Variants in ELP4 observed in about 807,000 individuals in gnomAD.
ELP4 encodes elongator complex protein 4.
In ELP4, 51 loss-of-function variants were observed where a neutral mutation model predicts 48.9. That is an observed-to-expected ratio of 1.04 (90% CI 0.83 to 1.32). The LOEUF (loss-of-function observed/expected upper bound fraction) is 1.32. ELP4 is among the 40% of genes most tolerant of loss of function. ELP4 has a pLI of 0.00. For missense variants in ELP4, 519 were observed against 514.6 expected, an observed-to-expected ratio of 1.01 and a Z score of -0.08; for synonymous variants, 210 against 189.2, an observed-to-expected ratio of 1.11 and a Z score of -0.90.
intron 2 of ELP4, among the ~76,000 whole-genome samples, chr11:31,522,877 A>G (rs911310061): frequency 2.1e-5 from 3 of 145,342 alleles, no homozygotes; most frequent in Non-Finnish European, 4.5e-5. Flanking sequence ...TTTTTTTTTT[A>G]AGAGATGAGT....
chr11:31,558,937 AT>A (rs1246595341), intron 3 of ELP4, among the ~76,000 whole-genome samples: 3 of 152,108 alleles, frequency 2.0e-5, no homozygotes, highest in African/African-American at 7.2e-5. Flanking sequence ...CTGAATACTT[AT>A]TTTTTCAGAA....
intron 3 of ELP4, among the ~76,000 whole-genome samples, chr11:31,556,373 T>A (rs932548576): frequency 6.6e-6 from 1 of 151,968 alleles, no homozygotes; most frequent in Non-Finnish European, 1.5e-5. Flanking sequence ...TTCTATGGAA[T>A]GTTTTATAAA....
At chr11:31,569,760 T>G (rs1565058644) in intron 3 of ELP4, among the ~76,000 whole-genome samples, 1 of 151,946 alleles carries the variant, frequency 6.6e-6, no homozygotes. Context: ...CCAACAAACA[T>G]GAAAAAATGC....
intron 9 of ELP4, among the ~76,000 whole-genome samples, chr11:31,761,513 A>G (rs184867863): frequency 7.9e-5 from 12 of 152,366 alleles, no homozygotes; most frequent in Admixed American, 4.6e-4. Flanking sequence ...ACCAGTAAGT[A>G]TATAAAATCT....
intron 9 of ELP4, among the ~76,000 whole-genome samples, chr11:31,660,013 AT>A (rs1945520886): frequency 6.6e-6 from 1 of 152,154 alleles, no homozygotes; most frequent in Non-Finnish European, 1.5e-5. Flanking sequence ...ATCAATTTTG[AT>A]TGAACTATCT....
At chr11:31,602,448 A>G (rs1256615723) in intron 4 of ELP4, among the ~76,000 whole-genome samples, 1 of 151,990 alleles carries the variant, frequency 6.6e-6, no homozygotes, top group East Asian at 1.9e-4. Flanking sequence ...TACATATTGG[A>G]TTGAAAAGAT....
intron 3 of ELP4, among the ~76,000 whole-genome samples, chr11:31,551,263 A>T (rs1051949324): frequency 6.6e-6 from 1 of 152,190 alleles, no homozygotes; most frequent in South Asian, 2.1e-4. Flanking sequence ...TTTCCCTGCA[A>T]ATCGATGCGG....
rs529202727 is a variant in ELP4 at position 31,757,377 on chromosome 11, A to AT, written c.1144-26004dup. On this transcript the variant is annotated intron_variant, in intron 9 of 9. Coordinates refer to ENST00000640961, the MANE Select transcript of ELP4 (RefSeq NM_019040.5). ...GAATTCTTTCCAAATCAGACTACAG[A>AT]TTTTTTTTTTTTGCATCTACCATGC... 9.5e-3 allele frequency among the ~76,000 whole-genome samples: 1,393 copies of AT among 147,328 alleles called. 22 individuals are homozygous for AT. Among genetic ancestry groups the AT allele is most frequent in the East Asian group, 0.026 (132 of 5,052 alleles).
chr11:31,532,262 T>C (rs1592088650), intron 2 of ELP4, among the ~76,000 whole-genome samples: 1 of 152,184 alleles, frequency 6.6e-6, no homozygotes, highest in Non-Finnish European at 1.5e-5. Context: ...TGTTGGCACA[T>C]TGAAGTAAAG....
chr11:31,615,227 A>G (rs1958054657), intron 5 of ELP4, among the ~76,000 whole-genome samples: 2 of 152,178 alleles, frequency 1.3e-5, no homozygotes, highest in Non-Finnish European at 2.9e-5. Context: ...AAAATTACAT[A>G]CATGCATATA....
chr11:31,576,884 A>G (rs1957291314), intron 3 of ELP4, among the ~76,000 whole-genome samples: 1 of 152,198 alleles, frequency 6.6e-6, no homozygotes, highest in Non-Finnish European at 1.5e-5. Context: ...TAAAAGAACT[A>G]GAGAACCAAG....
At chr11:31,653,560 T>G (rs1945367693) in intron 9 of ELP4, 1 of 151,806 alleles carries the variant, frequency 6.6e-6, no homozygotes. Context: ...AATAATAGAT[T>G]CAATACACAT....
At chr11:31,661,479 A>G (rs973654917) in intron 9 of ELP4, among the ~76,000 whole-genome samples, 25 of 152,046 alleles carry the variant, frequency 1.6e-4, no homozygotes, top group African/African-American at 6.0e-4. Flanking sequence ...TTTCTTTTAT[A>G]AAGTATCAAA....
intron 9 of ELP4, among the ~76,000 whole-genome samples, chr11:31,700,110 G>A (rs1408332223): frequency 6.6e-6 from 1 of 152,050 alleles, no homozygotes; most frequent in Admixed American, 6.6e-5. Context: ...CTTGTCTTAA[G>A]AAGTACTGGA....
intron 5 of ELP4, among the ~76,000 whole-genome samples, chr11:31,619,163 T>A (rs1394598404): frequency 1.3e-5 from 2 of 151,920 alleles, no homozygotes; most frequent in African/African-American, 4.8e-5. Flanking sequence ...TATGTTTATA[T>A]ATTATAGGAA....
intron 9 of ELP4, among the ~76,000 whole-genome samples, chr11:31,782,472 C>G (rs897733367): frequency 6.6e-6 from 1 of 152,232 alleles, no homozygotes; most frequent in East Asian, 1.9e-4. Context: ...TCTCACACAA[C>G]AGATAAGTTC....
intron 3 of ELP4, among the ~76,000 whole-genome samples, chr11:31,586,940 A>G (rs1043696233): frequency 1.3e-5 from 2 of 152,100 alleles, no homozygotes; most frequent in African/African-American, 4.8e-5. Flanking sequence ...GCGACCGGCC[A>G]AATATTTTTA....
rs563195323 is a variant in ELP4, at chr11:31,785,284, T to C, written c.*1760T>C. 2 of 182,888 alleles carry C rather than the reference T, an allele frequency of 1.1e-5. No homozygotes were observed. Among genetic ancestry groups the C allele is most frequent in the African/African-American group, 4.7e-5 (2 of 42,640 alleles). The allele number at this position is 182,888 out of a possible 1,614,324, so 11.3% of individuals were successfully genotyped here. A position where few individuals can be genotyped will look rare whatever the true frequency, so the allele number is the denominator to read the frequency against. ...TTATTATTTTAATAACTCTAACCTT[T>C]TTCTTACCGTGTTGATTCATTTTAT... On this transcript the variant is annotated 3_prime_UTR_variant, in exon 10 of 10. Transcript: ENST00000640961.
intron 3 of ELP4, among the ~76,000 whole-genome samples, chr11:31,547,099 T>C (rs1956740443): frequency 1.3e-5 from 2 of 151,940 alleles, no homozygotes; most frequent in South Asian, 2.1e-4. Context: ...AGCAAACACA[T>C]TGAAAAGCTA....
Sources: allele counts gnomAD v4.1 joint callset (sites outside exome capture counted in the v4.1 genomes callset), GRCh38; gene constraint gnomAD v4.1.1; transcripts MANE v1.5; gene names NCBI Gene and HGNC (gene_info 2026-07-23, HGNC 2026-07-21).